Variants in RAI14 observed in about 807,000 individuals in gnomAD.
RAI14 encodes retinoic acid induced 14, also known as ankycorbin.
Under a neutral mutation model 115.4 loss-of-function variants are expected in RAI14, and 45 were observed. That is an observed-to-expected ratio of 0.39 (90% CI 0.31 to 0.50). The LOEUF (loss-of-function observed/expected upper bound fraction) is 0.50. Ranked by LOEUF, RAI14 falls within the 20% of genes least tolerant of loss-of-function variation. The pLI, the probability that RAI14 is intolerant of heterozygous loss-of-function variation, is 0.85. For missense variants in RAI14, 939 were observed against 1,131.2 expected, an observed-to-expected ratio of 0.83 and a Z score of 2.44; for synonymous variants, 371 against 415.4, an observed-to-expected ratio of 0.89 and a Z score of 1.30.
At chr5:34,798,496 A>G (rs4703388) in intron 4 of RAI14, among the ~76,000 whole-genome samples, 63,858 of 152,020 alleles carry the variant, frequency 0.42, 13,913 homozygotes, top group Admixed American at 0.54. Context: ...GTCCCAATAC[A>G]TTTTTACATG....
chr5:34,758,271 A>G (rs1424869243), intron 3 of RAI14, among the ~76,000 whole-genome samples: 1 of 152,246 alleles, frequency 6.6e-6, no homozygotes, highest in East Asian at 1.9e-4. Context: ...TAGAGTAGTT[A>G]TGAGTATAAA....
intron 14 of RAI14, 88 bp downstream of exon 14, chr5:34,821,938 G>T: frequency 1.5e-6 from 1 of 653,642 alleles, no homozygotes; most frequent in Non-Finnish European, 2.6e-6. Flanking sequence ...TTTTAAATGT[G>T]TACATTAGTT....
In RAI14 at chr5:34,829,770, C is replaced by T; in HGVS notation, c.2838C>T (p.Tyr946=). The T allele has an allele frequency of 6.2e-7, 1 of 1,612,124 alleles. No individual in the cohort carries two copies. The highest frequency in any genetic ancestry group is 8.5e-7 in the Non-Finnish European group (1 of 1,178,842). ...AACACCAGGAGGTCATATCAGTTTA[C>T]AGAATGCATCTTCTGTATGCTGTGC... The part of the protein sequence containing the change: ...KKQHQEVISV[Y]RMHLLYAVQG... The change falls in exon 17 of 18, where the codon TAC becomes TAT. Residue 946 remains tyrosine (Y), a synonymous_variant. Coordinates refer to ENST00000265109, the MANE Select transcript of RAI14 (RefSeq NM_015577.3).
chr5:34,792,752 T>C (rs1403962594), intron 3 of RAI14, among the ~76,000 whole-genome samples: 1 of 152,250 alleles, frequency 6.6e-6, no homozygotes, highest in Admixed American at 6.5e-5. Context: ...AAGCCAAGAC[T>C]ATCTATCCTT....
At chr5:34,752,749 GTATATATA>G (rs71600954) in intron 2 of RAI14, among the ~76,000 whole-genome samples, 21 of 107,054 alleles carry the variant, frequency 2.0e-4, no homozygotes, top group African/African-American at 5.7e-4. Context: ...GTGTGTGTGT[GTATATATA>G]TATATATATG....
chr5:34,734,378 C>T (rs1744591457), intron 2 of RAI14, among the ~76,000 whole-genome samples: 1 of 152,204 alleles, frequency 6.6e-6, no homozygotes, highest in South Asian at 2.1e-4. Context: ...CTTTTAGTAA[C>T]TTCTAAAGGA....
chr5:34,661,827 G>C (rs1464829527), intron 1 of RAI14, among the ~76,000 whole-genome samples: 1 of 152,160 alleles, frequency 6.6e-6, no homozygotes, highest in Non-Finnish European at 1.5e-5. Flanking sequence ...GAAGCACACT[G>C]CATTTCTTTC....
intron 16 of RAI14, among the ~76,000 whole-genome samples, chr5:34,829,256 C>T (rs776539564): frequency 3.3e-5 from 5 of 152,010 alleles, no homozygotes; most frequent in South Asian, 2.1e-4. Flanking sequence ...GGCGTGATCT[C>T]GGCTCACTAC....
chr5:34,782,675 G>A (rs528639278), intron 3 of RAI14, among the ~76,000 whole-genome samples: 22 of 152,190 alleles, frequency 1.4e-4, no homozygotes, highest in African/African-American at 3.1e-4. Flanking sequence ...CCTACAGTGG[G>A]CCATATCATT....
intron 3 of RAI14, 38 bp downstream of exon 3, chr5:34,757,636 G>C (rs1337560390): frequency 1.3e-6 from 2 of 1,562,518 alleles, no homozygotes; most frequent in Admixed American, 1.8e-5. Flanking sequence ...TGCTGGTTCT[G>C]GGTTTTTGGG....
At chr5:34,800,279 A>C (rs1344323624) in intron 4 of RAI14, among the ~76,000 whole-genome samples, 1 of 152,198 alleles carries the variant, frequency 6.6e-6, no homozygotes. Context: ...CTTTAAGTAA[A>C]AGGGTTCTTA....
intron 3 of RAI14, among the ~76,000 whole-genome samples, chr5:34,790,632 A>G (rs1197355868): frequency 6.6e-6 from 1 of 151,982 alleles, no homozygotes; most frequent in Non-Finnish European, 1.5e-5. Flanking sequence ...ATGACTTTCT[A>G]GATAGTTATT....
intron 1 of RAI14, among the ~76,000 whole-genome samples, chr5:34,668,862 CT>C (rs910862155): frequency 1.6e-4 from 24 of 148,840 alleles, no homozygotes; most frequent in Middle Eastern, 3.5e-3. Context: ...TAATTAGGTT[CT>C]TTTTTTTTTC....
intron 3 of RAI14, among the ~76,000 whole-genome samples, chr5:34,766,762 A>C (rs955929245): frequency 6.6e-6 from 1 of 152,100 alleles, no homozygotes; most frequent in Non-Finnish European, 1.5e-5. Flanking sequence ...TCCACATGAG[A>C]TTTGGAGGGA....
chr5:34,764,071 GA>G, intron 3 of RAI14, among the ~76,000 whole-genome samples: 1 of 152,134 alleles, frequency 6.6e-6, no homozygotes, highest in Non-Finnish European at 1.5e-5. Flanking sequence ...GGCTGGTCTC[GA>G]GCTCCTGACC....
rs888749101 is a variant in RAI14 at position 34,827,716 on chromosome 5, T to G, written c.2799+1237T>G. ...CTGATAAAATGGTATTACAGACTTG[T>G]AGATAAAGTGCTATTGGTTTATACA... On this transcript the variant is annotated intron_variant, in intron 16 of 17. Coordinates refer to ENST00000265109, the MANE Select transcript of RAI14 (RefSeq NM_015577.3). This position sits in a 1 kb window ranked among gnomAD's most constrained non-coding sequence, Gnocchi z 4.2. 1.3e-5 allele frequency among the ~76,000 whole-genome samples: 2 copies of G among 152,210 alleles called. No individual in the cohort carries two copies. The highest frequency in any genetic ancestry group is 4.8e-5 in the African/African-American group (2 of 41,444).
intron 1 of RAI14, among the ~76,000 whole-genome samples, chr5:34,663,921 C>G (rs371064344): frequency 1.3e-5 from 2 of 152,138 alleles, no homozygotes; most frequent in African/African-American, 4.8e-5. Flanking sequence ...TCAGTGTCAC[C>G]TCATCTAACC....
At chr5:34,657,690 T>C (rs1011917783) in intron 1 of RAI14, among the ~76,000 whole-genome samples, 18 of 152,138 alleles carry the variant, frequency 1.2e-4, no homozygotes. Flanking sequence ...TTGCCGGATC[T>C]CTGGGGAATG....
chr5:34,688,426 G>A (rs1038813270), intron 2 of RAI14: 25 of 522,026 alleles, frequency 4.8e-5, no homozygotes, highest in Non-Finnish European at 7.7e-5. Context: ...ATGAACAGGG[G>A]CCCAGAGGAA....
Sources: gnomAD v4.1 joint callset for allele counts (sites outside exome capture counted in the v4.1 genomes callset) on GRCh38, gnomAD v4.1.1 for gene constraint, Gnocchi (gnomAD v3.1) non-coding constraint, MANE v1.5 for transcripts, NCBI Gene and HGNC (gene_info 2026-07-23, HGNC 2026-07-21) for gene names.